Variants in CARM1 observed in about 807,000 individuals in gnomAD.
The protein encoded by CARM1 is coactivator associated arginine methyltransferase 1.
Under a neutral mutation model 72.7 loss-of-function variants are expected in CARM1, and 14 were observed. That is an observed-to-expected ratio of 0.19 (90% confidence interval 0.13 to 0.30). The LOEUF (loss-of-function observed/expected upper bound fraction) is 0.30, where lower values mean the gene tolerates loss of function less well. CARM1 is among the 10% of genes least tolerant of loss of function. The pLI is 1.00. For missense variants in CARM1, 432 were observed against 833.7 expected (o/e 0.52, Z 5.93); for synonymous variants, 333 against 345.5 (o/e 0.96, Z 0.40).
chr19:10,916,532 C>T lies in CARM1; in HGVS notation c.938+35C>T. On this transcript the variant is annotated intron_variant, in intron 7 of 15. Coordinates refer to ENST00000327064, the MANE Select transcript of CARM1 (RefSeq NM_199141.2). This position sits in a 1 kb window ranked among gnomAD's most constrained non-coding sequence, Gnocchi z 4.4. Reference sequence around the variant, plus strand: ...CCCTGGGTGTCCCGCCTGGGCCCCACAGCCTGCCTTCTCAGGGACAGCCCC... The same window carrying T: ...CCCTGGGTGTCCCGCCTGGGCCCCATAGCCTGCCTTCTCAGGGACAGCCCC... 2 of 1,533,984 alleles carry T rather than the reference C, an allele frequency of 1.3e-6. No individual in the cohort carries two copies. Among genetic ancestry groups the T allele is most frequent in the Non-Finnish European group, 1.8e-6 (2 of 1,108,354 alleles).
chr19:10,901,271 C>T (rs1056879160), intron 1 of CARM1, among the ~76,000 whole-genome samples: 1 of 150,298 alleles, frequency 6.7e-6, no homozygotes, highest in Non-Finnish European at 1.5e-5. Flanking sequence ...GCATGAGCCA[C>T]TGCACTTGGC....
chr19:10,901,099 C>T (rs2074061102), intron 1 of CARM1, among the ~76,000 whole-genome samples: 1 of 151,938 alleles, frequency 6.6e-6, no homozygotes, highest in African/African-American at 2.4e-5. Flanking sequence ...CTCCCTGTCT[C>T]AGCTTCCTGA....
Position 10,920,780 on chromosome 19 carries a change from CGCCCCGGCCCTGCAACCCCCTT to C in CARM1, c.1424+38_1425-27del, listed in dbSNP as rs780057943. On this transcript the variant is annotated intron_variant, in intron 12 of 15. Coordinates refer to ENST00000327064, the MANE Select transcript of CARM1 (RefSeq NM_199141.2). This position sits in a 1 kb window ranked among gnomAD's most constrained non-coding sequence, Gnocchi z 5.3. ...GGGGCCCCTTGCCTGCACAGGGGGG[CGCCCCGGCCCTGCAACCCCCTT>C]GCCCCTGCCCATGGCTCTGTCTCTG... The C allele has an allele frequency of 1.2e-6, 2 of 1,612,826 alleles. No homozygotes were observed. The highest frequency in any genetic ancestry group is 1.7e-6 in the Non-Finnish European group (2 of 1,178,830).
chr19:10,921,941 C>A lies in CARM1; in HGVS notation c.*184C>A. The A allele has an allele frequency of 1.7e-6, 1 of 576,364 alleles. No homozygotes were observed. Among genetic ancestry groups the A allele is most frequent in the South Asian group, 2.3e-5 (1 of 43,094 alleles). 35.7% of individuals were successfully genotyped at this position (576,364 alleles called of 1,614,324 possible). A position where few individuals can be genotyped will look rare whatever the true frequency, so the allele number is the denominator to read the frequency against. On this transcript the variant is annotated 3_prime_UTR_variant, in exon 16 of 16. Coordinates refer to ENST00000327064, the MANE Select transcript of CARM1 (RefSeq NM_199141.2). Reference sequence around the variant, plus strand: ...GCCGTCCCCACCCTAACCCCCACCTCCCGGCCCTGAGCGTGTGTCGCTGCC... The same window carrying A: ...GCCGTCCCCACCCTAACCCCCACCTACCGGCCCTGAGCGTGTGTCGCTGCC...
chr19:10,911,175 G>C (rs955331772), intron 4 of CARM1, among the ~76,000 whole-genome samples: 1 of 152,206 alleles, frequency 6.6e-6, no homozygotes, highest in African/African-American at 2.4e-5. Flanking sequence ...ACAGGTGTGA[G>C]CCGCCGCACC....
At chr19:10,919,546 A>AT in intron 8 of CARM1, 49 bp from the exon 9 acceptor site, 1 of 1,389,898 alleles carries the variant, frequency 7.2e-7, no homozygotes, top group Non-Finnish European at 1.0e-6. Context: ...CTCCCCTCCC[A>AT]TGCTGGCCCT....
Position 10,921,854 on chromosome 19 carries a change from G to C in CARM1, c.*97G>C, listed in dbSNP as rs923886891. 14 of 1,201,880 alleles carry C rather than the reference G, an allele frequency of 1.2e-5. No homozygotes were observed. The African/African-American group carries it at 2.2e-4, about 19-fold the overall frequency. 74.5% of individuals were successfully genotyped at this position (1,201,880 alleles called of 1,614,324 possible). On this transcript the variant is annotated 3_prime_UTR_variant, in exon 16 of 16. Transcript: ENST00000327064. Reference sequence around the variant, plus strand: ...TTTCCCCCTTGTACTGGAGAAGCTCGAACACCCGGTCACAGCTCTCTTTGC... The same window carrying C: ...TTTCCCCCTTGTACTGGAGAAGCTCCAACACCCGGTCACAGCTCTCTTTGC...
intron 1 of CARM1, among the ~76,000 whole-genome samples, chr19:10,874,717 G>A (rs150458768): frequency 4.4e-4 from 67 of 152,200 alleles, no homozygotes; most frequent in Middle Eastern, 6.8e-3. Context: ...ACATTGATAT[G>A]GAGATAAAAA....
At chr19:10,873,932 C>T (rs747845153) in intron 1 of CARM1, among the ~76,000 whole-genome samples, 7 of 152,210 alleles carry the variant, frequency 4.6e-5, no homozygotes, top group Non-Finnish European at 8.8e-5. Flanking sequence ...AGCCACCCCG[C>T]CCGGCCAGAA....
intron 1 of CARM1, among the ~76,000 whole-genome samples, chr19:10,889,813 G>A (rs1174377838): frequency 1.1e-4 from 16 of 152,116 alleles, no homozygotes; most frequent in Admixed American, 9.8e-4. Flanking sequence ...GAATGAAGAC[G>A]AATGCAGCCA....
chr19:10,918,458 G>A (rs574149330), intron 8 of CARM1, among the ~76,000 whole-genome samples: 3 of 152,196 alleles, frequency 2.0e-5, no homozygotes, highest in Non-Finnish European at 2.9e-5. Context: ...CCTGACCTCA[G>A]GTGATCCGTC....
intron 15 of CARM1, 27 bp from the exon 16 acceptor site, chr19:10,921,588 C>G (rs1214914089): frequency 6.3e-7 from 1 of 1,596,394 alleles, no homozygotes; most frequent in African/African-American, 1.3e-5. Flanking sequence ...CCAGGGCAGC[C>G]CCTCACTGCC....
In CARM1 at chr19:10,922,892, C is replaced by T. The variant is rs1036918323; in HGVS notation, c.*1135C>T. 22 of 178,614 alleles carry T rather than the reference C, an allele frequency of 1.2e-4. No homozygotes were observed. Among genetic ancestry groups the T allele is most frequent in the South Asian group, 8.1e-4 (6 of 7,362 alleles). The allele number at this position is 178,614 out of a possible 1,614,324, so 11.1% of individuals were successfully genotyped here. On this transcript the variant is annotated 3_prime_UTR_variant, in exon 16 of 16. Coordinates refer to ENST00000327064, the MANE Select transcript of CARM1 (RefSeq NM_199141.2). ...GGAGCGGGCGCTGTCCAGGCTGGGCCGCCCCCTTGGCTCTCCCTCCTGTTC... is the reference window on the plus strand; with the variant it reads ...GGAGCGGGCGCTGTCCAGGCTGGGCTGCCCCCTTGGCTCTCCCTCCTGTTC...
intron 1 of CARM1, among the ~76,000 whole-genome samples, chr19:10,889,724 G>A (rs971103944): frequency 5.9e-5 from 9 of 152,152 alleles, no homozygotes; most frequent in Admixed American, 3.3e-4. Flanking sequence ...GCATTTCCAA[G>A]CCCGGATCCA....
intron 1 of CARM1, among the ~76,000 whole-genome samples, chr19:10,883,881 G>A (rs777696765): frequency 6.6e-6 from 1 of 151,896 alleles, no homozygotes; most frequent in Non-Finnish European, 1.5e-5. Flanking sequence ...AGCTGGGCGC[G>A]GTGGTGTGCG....
chr19:10,899,801 A>G (rs1599698080), intron 1 of CARM1, among the ~76,000 whole-genome samples: 1 of 149,580 alleles, frequency 6.7e-6, no homozygotes, highest in East Asian at 2.0e-4. Context: ...GCTCACTGCA[A>G]CCTCCACCTC....
chr19:10,899,862 A>G (rs1184798482), intron 1 of CARM1, among the ~76,000 whole-genome samples: 1 of 151,728 alleles, frequency 6.6e-6, no homozygotes, highest in Non-Finnish European at 1.5e-5. Context: ...CTGGGATTAC[A>G]GGCACCCGCC....
rs1222711846 is a variant in CARM1 at position 10,920,625 on chromosome 19, G to C, written c.1335-34G>C. 2.5e-6 allele frequency: 4 copies of C among 1,613,970 alleles called. No individual in the cohort carries two copies. The East Asian group carries it at 8.9e-5, about 36-fold the overall frequency. ...TGGTGGGCAGGGGTCCATCTGCCCA[G>C]CAGCTCATGCCACGGCCTGCACCCT... On this transcript the variant is annotated intron_variant, in intron 11 of 15. Coordinates refer to ENST00000327064, the MANE Select transcript of CARM1 (RefSeq NM_199141.2). The surrounding 1 kb of genome is among the most constrained non-coding windows in gnomAD (Gnocchi z 5.3).
chr19:10,884,280 G>A (rs1445162487), intron 1 of CARM1, among the ~76,000 whole-genome samples: 1 of 150,912 alleles, frequency 6.6e-6, no homozygotes, highest in African/African-American at 2.4e-5. Context: ...GATGGAGGTT[G>A]TGGTGACCAC....
Sources: allele counts gnomAD v4.1 joint callset (sites outside exome capture counted in the v4.1 genomes callset), GRCh38; gene constraint gnomAD v4.1.1; non-coding constraint Gnocchi (gnomAD v3.1); transcripts MANE v1.5; gene names NCBI Gene and HGNC (gene_info 2026-07-23, HGNC 2026-07-21).